The following GRIN2A variants were observed in gnomAD, a reference collection of about 807,000 sequenced individuals.
GRIN2A encodes the protein glutamate receptor ionotropic, NMDA 2A.
A neutral mutation model predicts 113.4 loss-of-function variants in GRIN2A; 22 were observed. That is an observed-to-expected ratio of 0.19 (90% CI 0.14 to 0.28). GRIN2A has a LOEUF of 0.28. GRIN2A is among the 10% of genes least tolerant of loss of function. The pLI is 1.00. For synonymous variants in GRIN2A, 827 were observed against 738.4 expected, an observed-to-expected ratio of 1.12 and a Z score of -1.94; for missense variants, 1,502 against 1,887.0, an observed-to-expected ratio of 0.80 and a Z score of 3.78.
At chr16:9,857,127 A>G (rs953163828) in intron 4 of GRIN2A, among the ~76,000 whole-genome samples, 1 of 152,212 alleles carries the variant, frequency 6.6e-6, no homozygotes, top group African/African-American at 2.4e-5. Flanking sequence ...TAGTCCTCCA[A>G]ATTGTCAAAG....
intron 4 of GRIN2A, among the ~76,000 whole-genome samples, chr16:9,854,636 T>A (rs532743328): frequency 3.3e-5 from 5 of 152,172 alleles, no homozygotes; most frequent in African/African-American, 1.2e-4. Flanking sequence ...TCTTCTGCTA[T>A]TCTCTAAACT....
intron 10 of GRIN2A, 136 bp from the exon 11 acceptor site, chr16:9,798,600 C>A: frequency 1.6e-6 from 1 of 643,266 alleles, no homozygotes; most frequent in East Asian, 2.7e-5. Flanking sequence ...TCTCCATCCC[C>A]TCATCATAAA....
intron 2 of GRIN2A, among the ~76,000 whole-genome samples, chr16:10,069,842 G>T (rs1177612876): frequency 1.3e-5 from 2 of 152,260 alleles, no homozygotes; most frequent in Non-Finnish European, 2.9e-5. Flanking sequence ...TGCAGTGAAG[G>T]ATAGATCCCA....
At chr16:10,050,705 T>A (rs1375946628) in intron 2 of GRIN2A, among the ~76,000 whole-genome samples, 2 of 152,130 alleles carry the variant, frequency 1.3e-5, no homozygotes, top group African/African-American at 4.8e-5. Context: ...GGAATGCACT[T>A]GAATCATTCC....
chr16:10,052,607 T>A (rs7188329), intron 2 of GRIN2A, among the ~76,000 whole-genome samples: 5 of 152,138 alleles, frequency 3.3e-5, no homozygotes, highest in East Asian at 1.9e-4. Context: ...CAGGGCTGGC[T>A]GGCGGTAAAG....
chr16:9,790,353 G>A (rs535107312), intron 11 of GRIN2A, among the ~76,000 whole-genome samples: 22 of 152,272 alleles, frequency 1.4e-4, no homozygotes, highest in Admixed American at 1.2e-3. Flanking sequence ...GCACTCCCTC[G>A]CTGTGCATCT....
intron 10 of GRIN2A, among the ~76,000 whole-genome samples, chr16:9,814,163 T>G (rs1232835359): frequency 6.6e-6 from 1 of 152,236 alleles, no homozygotes; most frequent in Non-Finnish European, 1.5e-5. Flanking sequence ...TAATATGATA[T>G]GTACTCTATA....
At position 9,840,684 on chromosome 16, in the gene GRIN2A, T is replaced by C. The variant is rs2141342242; in HGVS notation, c.1614A>G (p.Ser538=). The change falls in exon 7 of 13, where the codon TCA becomes TCG. Residue 538 remains serine (S), a synonymous_variant. Coordinates refer to ENST00000330684, the MANE Select transcript of GRIN2A (RefSeq NM_001134407.3). ...AAGGTGAGACGGTGCCATTACTTCTTGAAACCATGACACTGATTCCCGTTT... is the reference window on the plus strand; with the variant it reads ...AAGGTGAGACGGTGCCATTACTTCTCGAAACCATGACACTGATTCCCGTTT... ...FVETGISVMV[S]RSNGTVSPSA... is the part of the protein sequence containing the mutation. The C allele has an allele frequency of 1.9e-6, 3 of 1,613,748 alleles. No individual in the cohort carries two copies. Among genetic ancestry groups the C allele is most frequent in the Non-Finnish European group, 1.7e-6 (2 of 1,179,828 alleles).
intron 3 of GRIN2A, among the ~76,000 whole-genome samples, chr16:9,894,382 T>G (rs915861802): frequency 1.3e-5 from 2 of 152,194 alleles, no homozygotes; most frequent in African/African-American, 4.8e-5. Context: ...TGAAAATGCT[T>G]CTCTGCACTT....
chr16:10,109,632 CAA>C (rs200838519), intron 2 of GRIN2A, among the ~76,000 whole-genome samples: 5 of 125,528 alleles, frequency 4.0e-5, no homozygotes, highest in African/African-American at 3.0e-5. Flanking sequence ...AACCAGATTA[CAA>C]AAAAAAAAAA....
chr16:9,772,870 AAAC>A, intron 11 of GRIN2A, among the ~76,000 whole-genome samples: 1 of 151,016 alleles, frequency 6.6e-6, no homozygotes, highest in Non-Finnish European at 1.5e-5. Context: ...CCCTTTGCCC[AAAC>A]AATACCTCTT....
intron 5 of GRIN2A, among the ~76,000 whole-genome samples, chr16:9,843,060 AAG>A (rs982193225): frequency 1.3e-5 from 2 of 149,526 alleles, no homozygotes; most frequent in East Asian, 2.0e-4. Context: ...GAGAGAGAGA[AAG>A]AGAGGGAGGG....
Position 9,757,704 on chromosome 16 carries a change from T to C in GRIN2A, c.*5445A>G, listed in dbSNP as rs1422440790. On this transcript the variant is annotated 3_prime_UTR_variant, in exon 13 of 13. Coordinates refer to ENST00000330684, the MANE Select transcript of GRIN2A (RefSeq NM_001134407.3). ...TTATTTCAATGGTCACTGCCAGCCT[T>C]TTATCTTCAGTTTGAGGTTTTAAAC... The C allele has an allele frequency of 9.2e-6, 2 of 217,182 alleles. No individual in the cohort carries two copies. Among genetic ancestry groups the C allele is most frequent in the Non-Finnish European group, 1.9e-5 (2 of 107,920 alleles). 13.5% of individuals were successfully genotyped at this position (217,182 alleles called of 1,614,324 possible).
chr16:10,093,518 T>C (rs1253395657), intron 2 of GRIN2A, among the ~76,000 whole-genome samples: 2 of 152,064 alleles, frequency 1.3e-5, no homozygotes, highest in African/African-American at 2.4e-5. Context: ...TTCACTCAAG[T>C]GACAGTATTA....
At chr16:10,174,135 C>T (rs1476862223) in intron 2 of GRIN2A, among the ~76,000 whole-genome samples, 2 of 152,110 alleles carry the variant, frequency 1.3e-5, no homozygotes, top group East Asian at 3.9e-4. Context: ...GTGTCAATGT[C>T]CATCCAGGGA....
intron 2 of GRIN2A, among the ~76,000 whole-genome samples, chr16:10,044,753 T>A (rs1261199897): frequency 6.6e-6 from 1 of 151,722 alleles, no homozygotes; most frequent in Non-Finnish European, 1.5e-5. Context: ...ACAGCTCTCA[T>A]CCCACGACAT....
At chr16:10,104,944 G>A (rs1052643901) in intron 2 of GRIN2A, among the ~76,000 whole-genome samples, 1 of 152,208 alleles carries the variant, frequency 6.6e-6, no homozygotes, top group African/African-American at 2.4e-5. Context: ...ACAACAGGGG[G>A]AGGTGCTAAA....
At chr16:10,030,190 A>T (rs1371276318) in intron 2 of GRIN2A, among the ~76,000 whole-genome samples, 1 of 142,608 alleles carries the variant, frequency 7.0e-6, no homozygotes, top group South Asian at 2.4e-4. Context: ...TGATTTTTTA[A>T]AAAAAAATCA....
intron 4 of GRIN2A, among the ~76,000 whole-genome samples, chr16:9,852,661 A>T (rs2042904866): frequency 6.6e-6 from 1 of 152,168 alleles, no homozygotes; most frequent in African/African-American, 2.4e-5. Context: ...AGGTCCCAAG[A>T]GCTCTTACCT....
Sources: allele counts gnomAD v4.1 joint callset (sites outside exome capture counted in the v4.1 genomes callset), GRCh38; gene constraint gnomAD v4.1.1; transcripts MANE v1.5; gene names NCBI Gene and HGNC (gene_info 2026-07-23, HGNC 2026-07-21).